Variants in CPE observed in about 807,000 individuals in gnomAD.
CPE encodes carbocypeptidase E.
In CPE, 17 loss-of-function variants were observed where a neutral mutation model predicts 53.5. The ratio of observed to expected loss-of-function variants is 0.32; its 90% CI spans 0.22 to 0.48. The LOEUF (loss-of-function observed/expected upper bound fraction) is 0.48, where lower values mean the gene tolerates loss of function less well. Among genes scored for constraint, CPE ranks in the 20% least tolerant of loss-of-function variants. The pLI is 0.99. For synonymous variants in CPE, 226 were observed against 228.8 expected (o/e 0.99, Z 0.11); for missense variants, 524 against 614.7 (o/e 0.85, Z 1.56).
chr4:165,460,019 C>G (rs1731973191), intron 1 of CPE, among the ~76,000 whole-genome samples: 1 of 152,048 alleles, frequency 6.6e-6, no homozygotes, highest in South Asian at 2.1e-4. Flanking sequence ...TAGCCGCTTT[C>G]CCCGCTCCCC....
chr4:165,460,031 AC>A (rs886647730), intron 1 of CPE, among the ~76,000 whole-genome samples: 1 of 150,338 alleles, frequency 6.7e-6, no homozygotes, highest in Non-Finnish European at 1.5e-5. Context: ...CCGCTCCCCC[AC>A]CCCGTTGCTA....
chr4:165,394,728 T>C (rs1282405003), intron 1 of CPE, among the ~76,000 whole-genome samples: 1 of 152,100 alleles, frequency 6.6e-6, no homozygotes, highest in African/African-American at 2.4e-5. Context: ...TTTTTTTTTA[T>C]GTGAAAAATG....
chr4:165,397,726 T>G (rs1278371765), intron 1 of CPE, among the ~76,000 whole-genome samples: 1 of 152,078 alleles, frequency 6.6e-6, no homozygotes, highest in African/African-American at 2.4e-5. Context: ...TCATTTCCAC[T>G]TAAAAATGGA....
chr4:165,480,994 G>GGA (rs1491432024), intron 3 of CPE, among the ~76,000 whole-genome samples: 105 of 114,242 alleles, frequency 9.2e-4, no homozygotes, highest in African/African-American at 3.4e-3. Context: ...TTTCTACAAT[G>GGA]GATATATATA....
intron 4 of CPE, 64 bp downstream of exon 4, chr4:165,482,423 G>C: frequency 9.0e-7 from 1 of 1,107,792 alleles, no homozygotes; most frequent in South Asian, 1.5e-5. Flanking sequence ...GGTTTTATAA[G>C]ATGATTTCTG....
intron 6 of CPE, among the ~76,000 whole-genome samples, chr4:165,490,708 A>G (rs1732588227): frequency 6.6e-6 from 1 of 151,372 alleles, no homozygotes; most frequent in South Asian, 2.1e-4. Flanking sequence ...ATTAAAAATG[A>G]GTTTCCTCTC....
Position 165,467,817 on chromosome 4 carries a change from T to C in CPE, c.634T>C (p.Leu212=), listed in dbSNP as rs999648510. 1 of 1,613,672 alleles carries C rather than the reference T, an allele frequency of 6.2e-7. No homozygotes were observed. Among genetic ancestry groups the C allele is most frequent in the African/African-American group, 1.3e-5 (1 of 74,898 alleles). ...AGAAGGTGGTCCAAATAATCATCTG[T>C]TGAAAAATATGAAGAAAATTGTGGA... ...EKEGGPNNHL[L]KNMKKIVDQN... is the part of the protein sequence containing the mutation. Residue 212 remains leucine, a synonymous_variant, in exon 3 of 9, where the codon TTG becomes CTG. Transcript: ENST00000402744.
intron 1 of CPE, among the ~76,000 whole-genome samples, chr4:165,389,287 T>A (rs1469572079): frequency 2.0e-5 from 3 of 152,158 alleles, no homozygotes; most frequent in African/African-American, 7.2e-5. Flanking sequence ...CAAATTAGTT[T>A]AACTATTTAT....
At position 165,379,360 on chromosome 4, in the gene CPE, G is replaced by A. The variant is rs775252838; in HGVS notation, c.139G>A (p.Asp47Asn). 1.3e-6 allele frequency: 2 copies of A among 1,599,780 alleles called. No homozygotes were observed. Among genetic ancestry groups the A allele is most frequent in the Non-Finnish European group, 1.7e-6 (2 of 1,175,576 alleles). The change falls in exon 1 of 9, where the codon GAC (aspartate) becomes AAC (asparagine). Residue 47 changes from aspartate (D) to asparagine (N), a missense_variant. By Grantham distance (23) the Asp-to-Asn change is conservative. Transcript: ENST00000402744. The surrounding 1 kb of genome is among the most constrained non-coding windows in gnomAD (Gnocchi z 6.0). ...MRRRRRLQQEDGISFEYHRYP... is the reference protein window; with the variant it reads ...MRRRRRLQQENGISFEYHRYP... ...GCGGCGCCGGCGGCTGCAGCAAGAG[G>A]ACGGCATCTCCTTCGAGTACCACCG...
intron 1 of CPE, among the ~76,000 whole-genome samples, chr4:165,409,102 G>T (rs2126666647): frequency 6.6e-6 from 1 of 152,288 alleles, no homozygotes; most frequent in South Asian, 2.1e-4. Context: ...CAAGTATATG[G>T]CGGAGTGGGT....
intron 1 of CPE, among the ~76,000 whole-genome samples, chr4:165,431,152 G>A (rs1236670545): frequency 6.6e-6 from 1 of 152,148 alleles, no homozygotes; most frequent in Non-Finnish European, 1.5e-5. Context: ...CTAAGGTTCA[G>A]GAGCTGTGTG....
At chr4:165,428,775 T>C (rs559416569) in intron 1 of CPE, among the ~76,000 whole-genome samples, 1 of 152,154 alleles carries the variant, frequency 6.6e-6, no homozygotes, top group African/African-American at 2.4e-5. Flanking sequence ...TGTGGACACA[T>C]TGTATTCTCT....
At chr4:165,452,676 C>A (rs1731832506) in intron 1 of CPE, among the ~76,000 whole-genome samples, 1 of 152,082 alleles carries the variant, frequency 6.6e-6, no homozygotes, top group Non-Finnish European at 1.5e-5. Context: ...TTGTTAAGAG[C>A]CATCCCCTAA....
chr4:165,495,429 T>C, intron 7 of CPE, 130 bp from the exon 8 acceptor site: 1 of 621,712 alleles, frequency 1.6e-6, no homozygotes, highest in South Asian at 2.5e-5. Context: ...CCTATATATT[T>C]ACTTTAAAAA....
intron 1 of CPE, among the ~76,000 whole-genome samples, chr4:165,447,409 A>G (rs1211392595): frequency 6.6e-6 from 1 of 152,090 alleles, no homozygotes; most frequent in Non-Finnish European, 1.5e-5. Flanking sequence ...CGTCTCTACT[A>G]AAAATACAAA....
intron 1 of CPE, among the ~76,000 whole-genome samples, chr4:165,426,397 A>G (rs1210790648): frequency 2.0e-5 from 3 of 152,244 alleles, no homozygotes; most frequent in African/African-American, 4.8e-5. Flanking sequence ...GCTGTGTGAC[A>G]TCTACTTCTT....
intron 1 of CPE, chr4:165,404,719 A>G (rs1419195326): frequency 1.1e-5 from 9 of 841,608 alleles, no homozygotes; most frequent in Non-Finnish European, 1.7e-5. Flanking sequence ...ACCTGGTAGT[A>G]TAGAAGCCAG....
intron 1 of CPE, among the ~76,000 whole-genome samples, chr4:165,402,207 C>T (rs1730880079): frequency 6.6e-6 from 1 of 152,194 alleles, no homozygotes; most frequent in South Asian, 2.1e-4. Context: ...TAGTGGCCAA[C>T]ATTTTCAGCC....
chr4:165,413,219 A>G (rs1579250128), intron 1 of CPE, among the ~76,000 whole-genome samples: 1 of 151,704 alleles, frequency 6.6e-6, no homozygotes, highest in East Asian at 1.9e-4. Flanking sequence ...TTTCATCTCT[A>G]CCTTGATGCC....
Sources: gnomAD v4.1 joint callset for allele counts (sites outside exome capture counted in the v4.1 genomes callset) on GRCh38, gnomAD v4.1.1 for gene constraint, Gnocchi (gnomAD v3.1) non-coding constraint, MANE v1.5 for transcripts, NCBI Gene and HGNC (gene_info 2026-07-23, HGNC 2026-07-21) for gene names.